Variants in AAGAB observed in about 807,000 individuals in gnomAD.
AAGAB encodes the protein alpha- and gamma-adaptin-binding protein p34.
AAGAB carries 38 observed loss-of-function variants against 44.1 expected under a neutral mutation model. The observed-to-expected ratio is 0.86, with a 90% confidence interval of 0.67 to 1.13. AAGAB has a LOEUF of 1.13. AAGAB is among the 50% of genes most tolerant of loss of function. The pLI, the probability that AAGAB is intolerant of heterozygous loss-of-function variation, is 0.00. For missense variants in AAGAB, 450 were observed against 373.8 expected (o/e 1.20, Z -1.68); for synonymous variants, 131 against 131.8 (o/e 0.99, Z 0.04).
In AAGAB at chr15:67,245,284, A is replaced by C. The variant is rs925482654; in HGVS notation, c.74-8464T>G. Among the ~76,000 whole-genome samples the C allele has an allele frequency of 2.0e-5, 3 of 152,272 alleles. No individual in the cohort carries two copies. The East Asian group carries it at 5.8e-4, about 29-fold the overall frequency. On this transcript the variant is annotated intron_variant, in intron 1 of 9. Transcript: ENST00000261880. ...ATGTCCATCAACTGATGAATGGATA[A>C]ACAAAATGTGGTATATCCATACAAT...
intron 7 of AAGAB, among the ~76,000 whole-genome samples, chr15:67,206,999 C>A (rs923486826): frequency 6.6e-6 from 1 of 152,088 alleles, no homozygotes; most frequent in Non-Finnish European, 1.5e-5. Flanking sequence ...CTGACCAACA[C>A]GCAGAAACCC....
At chr15:67,247,517 G>A (rs1347904951) in intron 1 of AAGAB, among the ~76,000 whole-genome samples, 1 of 152,120 alleles carries the variant, frequency 6.6e-6, no homozygotes, top group Non-Finnish European at 1.5e-5. Flanking sequence ...AACCCTCCAG[G>A]ATGATAAAAT....
intron 7 of AAGAB, among the ~76,000 whole-genome samples, chr15:67,206,947 C>T (rs1963697151): frequency 6.6e-6 from 1 of 152,054 alleles, no homozygotes; most frequent in Non-Finnish European, 1.5e-5. Flanking sequence ...TTTGGGAGGT[C>T]GAGGCAGGTG....
At chr15:67,244,721 T>C (rs1964680159) in intron 1 of AAGAB, among the ~76,000 whole-genome samples, 1 of 151,874 alleles carries the variant, frequency 6.6e-6, no homozygotes, top group Admixed American at 6.6e-5. Flanking sequence ...CAAGAATTGC[T>C]TGAACCCCAG....
At chr15:67,239,113 G>T (rs1964537646) in intron 1 of AAGAB, among the ~76,000 whole-genome samples, 11 of 152,258 alleles carry the variant, frequency 7.2e-5, no homozygotes, top group South Asian at 6.2e-4. Context: ...AAGGCAGGGG[G>T]ACTAATATTC....
At position 67,201,242 on chromosome 15, in the gene AAGAB, T is replaced by C. The variant is rs1272079618; in HGVS notation, c.*1579A>G. The C allele has an allele frequency of 1.4e-5, 2 of 148,020 alleles. No homozygotes were observed. The highest frequency in any genetic ancestry group is 2.5e-5 in the African/African-American group (1 of 40,024). The allele number at this position is 148,020 out of a possible 1,614,324, so 9.2% of individuals were successfully genotyped here. The stretch of plus-strand genomic sequence containing the variant: ...TGCAATCACCTCAAAGAAACACTGA[T>C]GGGCTGGTGGTGAACCACAGACTCA... On this transcript the variant is annotated 3_prime_UTR_variant, in exon 10 of 10. Coordinates refer to ENST00000261880, the MANE Select transcript of AAGAB (RefSeq NM_024666.5).
intron 1 of AAGAB, among the ~76,000 whole-genome samples, chr15:67,250,827 C>T (rs1964847767): frequency 6.6e-6 from 1 of 152,086 alleles, no homozygotes; most frequent in Non-Finnish European, 1.5e-5. Flanking sequence ...GAGATGGAGA[C>T]CATCCTGGCT....
chr15:67,250,378 T>C (rs1964833917), intron 1 of AAGAB, among the ~76,000 whole-genome samples: 1 of 152,172 alleles, frequency 6.6e-6, no homozygotes, highest in Non-Finnish European at 1.5e-5. Context: ...GGTTTCTCCA[T>C]GTTGGCCAGG....
At chr15:67,228,673 G>A (rs1964261465) in intron 5 of AAGAB, among the ~76,000 whole-genome samples, 1 of 152,120 alleles carries the variant, frequency 6.6e-6, no homozygotes. Flanking sequence ...ACACATGAAT[G>A]TGTATGTTCA....
rs1043537464 is a variant in AAGAB at position 67,209,620 on chromosome 15, A to G, written c.536-76T>C. 5.2e-6 allele frequency: 6 copies of G among 1,158,388 alleles called. No individual in the cohort carries two copies. The African/African-American group carries it at 9.2e-5, about 18-fold the overall frequency. The allele number at this position is 1,158,388 out of a possible 1,614,324, so 71.8% of individuals were successfully genotyped here. Reference sequence around the variant, plus strand: ...GTTCAAATGGCTATGATGATGAAACAAAGGCTACTTATTTGTTACCAAAGT... The same window carrying G: ...GTTCAAATGGCTATGATGATGAAACGAAGGCTACTTATTTGTTACCAAAGT... On this transcript the variant is annotated intron_variant, in intron 5 of 9. Coordinates refer to ENST00000261880, the MANE Select transcript of AAGAB (RefSeq NM_024666.5).
chr15:67,212,968 A>G (rs1050068824), intron 5 of AAGAB, among the ~76,000 whole-genome samples: 1 of 152,220 alleles, frequency 6.6e-6, no homozygotes, highest in South Asian at 2.1e-4. Flanking sequence ...TTTAGCAGGT[A>G]GTTGCTGAAA....
At chr15:67,207,199 C>G (rs1032949193) in intron 7 of AAGAB, among the ~76,000 whole-genome samples, 6 of 152,128 alleles carry the variant, frequency 3.9e-5, no homozygotes, top group African/African-American at 1.2e-4. Context: ...CAAACAAAAA[C>G]AAAAACAAAA....
intron 4 of AAGAB, among the ~76,000 whole-genome samples, chr15:67,235,478 G>A (rs189671998): frequency 3.3e-5 from 5 of 152,296 alleles, no homozygotes; most frequent in East Asian, 1.9e-4. Flanking sequence ...CAGCAATAGC[G>A]GAGGACAGCG....
chr15:67,215,340 T>C (rs1389745921), intron 5 of AAGAB, among the ~76,000 whole-genome samples: 2 of 152,228 alleles, frequency 1.3e-5, no homozygotes, highest in African/African-American at 2.4e-5. Context: ...AGGCAGAGGC[T>C]GCAAGCATTA....
At chr15:67,213,402 C>T (rs567987078) in intron 5 of AAGAB, among the ~76,000 whole-genome samples, 29 of 152,046 alleles carry the variant, frequency 1.9e-4, no homozygotes, top group African/African-American at 6.8e-4. Context: ...AATTATTTGC[C>T]ACCTCTTTAC....
rs375434660 is a variant in AAGAB, at chr15:67,236,614, G to A, written c.264+16C>T. 9.3e-6 allele frequency: 15 copies of A among 1,609,708 alleles called. No individual in the cohort carries two copies. The highest frequency in any genetic ancestry group is 1.2e-5 in the Non-Finnish European group (14 of 1,177,742). ...ATAATTTCTTATTCAAGCCTTCATA[G>A]AAAACAAAGTCTTACTTGTGTGCTG... is the stretch of plus-strand genomic sequence containing the variant. On this transcript the variant is annotated intron_variant, in intron 2 of 9. Coordinates refer to ENST00000261880, the MANE Select transcript of AAGAB (RefSeq NM_024666.5).
At position 67,204,123 on chromosome 15, in the gene AAGAB, T is replaced by C. The variant is rs761459547; in HGVS notation, c.741A>G (p.Gln247=). ...IVDPMLDLDI[Q]ELASLTTGGG... ...CTCCAGTGGTAAGACTGGCTAATTC[T>C]TGAATATCCAGATCTAACATGGGAT... Residue 247 remains glutamine, a synonymous_variant, in exon 8 of 10, where the codon CAA becomes CAG. Transcript: ENST00000261880. 1.9e-6 allele frequency: 3 copies of C among 1,610,418 alleles called. No homozygotes were observed. Among genetic ancestry groups the C allele is most frequent in the Admixed American group, 1.7e-5 (1 of 59,780 alleles).
chr15:67,254,471 A>T lies in AAGAB; in HGVS notation c.73+88T>A, dbSNP rs564840614. On this transcript the variant is annotated intron_variant, in intron 1 of 9. Coordinates refer to ENST00000261880, the MANE Select transcript of AAGAB (RefSeq NM_024666.5). Reference sequence around the variant, plus strand: ...GAAGAACGCAGGGCCCGCTGCGGGGACAAGGCCCAGAGAGGCCGTGGTGCT... The same window carrying T: ...GAAGAACGCAGGGCCCGCTGCGGGGTCAAGGCCCAGAGAGGCCGTGGTGCT... 5.7e-5 allele frequency: 85 copies of T among 1,484,230 alleles called. No individual in the cohort carries two copies. In the African/African-American group the frequency reaches 9.8e-4, roughly 17 times the overall value. 91.9% of individuals were successfully genotyped at this position (1,484,230 alleles called of 1,614,324 possible). A position where few individuals can be genotyped will look rare whatever the true frequency, so the allele number is the denominator to read the frequency against.
Position 67,231,891 on chromosome 15 carries a change from A to T in AAGAB, c.458T>A (p.Phe153Tyr). 1 of 1,607,156 alleles carries T rather than the reference A, an allele frequency of 6.2e-7. No homozygotes were observed. ...TCGCTTTACTCCTGTAGATTCTGGG[A>T]AGTCATCTAATCAGGGAGGGGAAAT... ...PEELPEEDDD[F>Y]PESTGVKRIV... Residue 153 changes from phenylalanine to tyrosine, a missense_variant, in exon 5 of 10, where the codon TTC (phenylalanine) becomes TAC (tyrosine). Coordinates refer to ENST00000261880, the MANE Select transcript of AAGAB (RefSeq NM_024666.5).
Sources: allele counts gnomAD v4.1 joint callset (sites outside exome capture counted in the v4.1 genomes callset), GRCh38; gene constraint gnomAD v4.1.1; transcripts MANE v1.5; gene names NCBI Gene and HGNC (gene_info 2026-07-23, HGNC 2026-07-21).